The following ZNF831 variants were observed in gnomAD, a reference collection of about 807,000 sequenced individuals.
The protein encoded by ZNF831 is chromosome 20 open reading frame 174.
In ZNF831, 59 loss-of-function variants were observed where a neutral mutation model predicts 95.8. The ratio of observed to expected loss-of-function variants is 0.62; its 90% CI spans 0.50 to 0.77. ZNF831 has a LOEUF of 0.77. Among genes scored for constraint, ZNF831 ranks in the 30% least tolerant of loss-of-function variants. ZNF831 has a pLI of 0.00. For synonymous variants in ZNF831, 961 were observed against 925.5 expected (o/e 1.04, Z -0.70); for missense variants, 2,205 against 2,164.0 (o/e 1.02, Z -0.38).
chr20:59,145,073 G>A (rs1443414468), intron 1 of ZNF831, among the ~76,000 whole-genome samples: 1 of 152,190 alleles, frequency 6.6e-6, no homozygotes, highest in Non-Finnish European at 1.5e-5. Context: ...ATCTGTGGAT[G>A]GTCCGGTTCA....
chr20:59,218,830 T>A (rs1237079822), intron 4 of ZNF831, among the ~76,000 whole-genome samples: 4 of 151,968 alleles, frequency 2.6e-5, no homozygotes, highest in Admixed American at 1.3e-4. Flanking sequence ...CTGGGCAACA[T>A]GGTGAAACCC....
chr20:59,233,041 C>T (rs1236056660), intron 4 of ZNF831, among the ~76,000 whole-genome samples: 28,642 of 132,380 alleles, frequency 0.22, 3,167 homozygotes, highest in African/African-American at 0.36. Context: ...CACACACACA[C>T]ACATAGAGAG....
chr20:59,186,748 T>A (rs1185214177), intron 1 of ZNF831, among the ~76,000 whole-genome samples: 1 of 152,216 alleles, frequency 6.6e-6, no homozygotes, highest in Non-Finnish European at 1.5e-5. Context: ...TTCCTGCCTT[T>A]ACATCTTTCC....
intron 1 of ZNF831, among the ~76,000 whole-genome samples, chr20:59,179,739 AC>A (rs1253481382): frequency 1.3e-5 from 2 of 151,764 alleles, no homozygotes; most frequent in African/African-American, 4.8e-5. Flanking sequence ...GGATTTAGGG[AC>A]CCCACTAAAT....
intron 4 of ZNF831, among the ~76,000 whole-genome samples, chr20:59,249,140 T>A (rs576982468): frequency 1.3e-5 from 2 of 152,368 alleles, no homozygotes; most frequent in Admixed American, 1.3e-4. Context: ...ATATCCTTTG[T>A]GGACTTGTTC....
rs780466771 is a variant in ZNF831, at chr20:59,191,484, G to C, written c.465G>C (p.Lys155Asn). The C allele has an allele frequency of 6.2e-7, 1 of 1,613,000 alleles. No individual in the cohort carries two copies. The highest frequency in any genetic ancestry group is 8.5e-7 in the Non-Finnish European group (1 of 1,180,018). The change falls in exon 2 of 6, where the codon AAG becomes AAC. Residue 155 changes from lysine to asparagine, a missense_variant. By Grantham distance (94) the Lys-to-Asn change is moderately conservative. Transcript: ENST00000371030. ...LCPHCGRDCL[K>N]PSVLEKHIRS... ...CGCACTGTGGTCGCGACTGCCTGAA[G>C]CCCAGTGTTCTAGAGAAGCACATCC...
intron 1 of ZNF831, among the ~76,000 whole-genome samples, chr20:59,143,977 C>T (rs1028240241): frequency 1.3e-5 from 2 of 152,220 alleles, no homozygotes; most frequent in Non-Finnish European, 2.9e-5. Context: ...CCGCTGAGTG[C>T]TCGCAAGCTT....
chr20:59,224,552 C>T (rs1489074671), intron 4 of ZNF831, among the ~76,000 whole-genome samples: 1 of 152,252 alleles, frequency 6.6e-6, no homozygotes, highest in Non-Finnish European at 1.5e-5. Context: ...AGCTTCACTC[C>T]TTCAAGCATC....
At chr20:59,174,318 C>T (rs1338194080) in intron 1 of ZNF831, among the ~76,000 whole-genome samples, 14 of 152,052 alleles carry the variant, frequency 9.2e-5, no homozygotes, top group Non-Finnish European at 1.6e-4. Context: ...TTGCAGCCTG[C>T]GGTTCAGGCT....
At chr20:59,230,707 A>G (rs1490477875) in intron 4 of ZNF831, among the ~76,000 whole-genome samples, 1 of 152,222 alleles carries the variant, frequency 6.6e-6, no homozygotes, top group Non-Finnish European at 1.5e-5. Context: ...TTGGTGGTTG[A>G]CAGACATAGC....
At chr20:59,145,258 C>T (rs531140997) in intron 1 of ZNF831, among the ~76,000 whole-genome samples, 37 of 152,248 alleles carry the variant, frequency 2.4e-4, no homozygotes, top group Non-Finnish European at 4.6e-4. Flanking sequence ...TGACTTGGGT[C>T]ACGTTACCAT....
At chr20:59,204,072 G>A (rs532829781) in intron 3 of ZNF831, among the ~76,000 whole-genome samples, 1 of 152,324 alleles carries the variant, frequency 6.6e-6, no homozygotes. Flanking sequence ...AGCCCCAAGT[G>A]AATGGAAATG....
intron 3 of ZNF831, among the ~76,000 whole-genome samples, chr20:59,201,768 C>T (rs1387896745): frequency 6.6e-6 from 1 of 152,016 alleles, no homozygotes; most frequent in Admixed American, 6.6e-5. Context: ...TTGATTACGC[C>T]GCTTGACTCT....
chr20:59,215,234 T>A (rs1469492460), intron 4 of ZNF831, among the ~76,000 whole-genome samples: 1 of 152,244 alleles, frequency 6.6e-6, no homozygotes, highest in Non-Finnish European at 1.5e-5. Context: ...GGGCTTTTGC[T>A]GGGCACATTG....
intron 4 of ZNF831, among the ~76,000 whole-genome samples, chr20:59,230,462 A>C (rs1002533223): frequency 1.3e-5 from 2 of 152,302 alleles, no homozygotes; most frequent in South Asian, 4.1e-4. Flanking sequence ...ACAGAACAAC[A>C]GAGTGAGACT....
At chr20:59,176,646 G>A (rs1982189553) in intron 1 of ZNF831, among the ~76,000 whole-genome samples, 1 of 152,174 alleles carries the variant, frequency 6.6e-6, no homozygotes, top group Non-Finnish European at 1.5e-5. Flanking sequence ...CGTACATTAT[G>A]TCCATTTATA....
chr20:59,158,179 G>A (rs1980644738), intron 2 of ZNF831, among the ~76,000 whole-genome samples: 1 of 152,216 alleles, frequency 6.6e-6, no homozygotes, highest in Non-Finnish European at 1.5e-5. Flanking sequence ...GTGATGCAGT[G>A]AGACTGGCCC....
chr20:59,197,027 T>A (rs1348095297), intron 3 of ZNF831, among the ~76,000 whole-genome samples: 3 of 151,704 alleles, frequency 2.0e-5, no homozygotes, highest in Non-Finnish European at 4.4e-5. Flanking sequence ...CCTCAAGCGA[T>A]CCTCTCGTCT....
At chr20:59,213,889 T>C (rs1308426755) in intron 4 of ZNF831, among the ~76,000 whole-genome samples, 2 of 152,196 alleles carry the variant, frequency 1.3e-5, no homozygotes, top group Non-Finnish European at 2.9e-5. Flanking sequence ...CGAATGTCCT[T>C]TCCATGCCTT....
Sources: gnomAD v4.1 joint callset for allele counts (sites outside exome capture counted in the v4.1 genomes callset) on GRCh38, gnomAD v4.1.1 for gene constraint, MANE v1.5 for transcripts, NCBI Gene and HGNC (gene_info 2026-07-23, HGNC 2026-07-21) for gene names.